UNC13C: variants seen among roughly 807,000 people sequenced by gnomAD.
The protein encoded by UNC13C is protein unc-13 homolog C.
A neutral mutation model predicts 245.4 loss-of-function variants in UNC13C; 174 were observed. The ratio of observed to expected loss-of-function variants is 0.71; its 90% CI spans 0.63 to 0.80. The LOEUF is 0.80. Among genes scored for constraint, UNC13C ranks in the 30% least tolerant of loss-of-function variants. The pLI, the probability that UNC13C is intolerant of heterozygous loss-of-function variation, is 0.00. For synonymous variants in UNC13C, 992 were observed against 895.1 expected, an observed-to-expected ratio of 1.11 and a Z score of -1.93; for missense variants, 2,829 against 2,602.9, an observed-to-expected ratio of 1.09 and a Z score of -1.89.
At chr15:54,075,329 C>CA (rs988527880) in intron 2 of UNC13C, among the ~76,000 whole-genome samples, 16 of 151,822 alleles carry the variant, frequency 1.1e-4, no homozygotes, top group African/African-American at 3.9e-4. Context: ...ACTAAAAATA[C>CA]AAAAAATTAG....
chr15:53,887,556 C>T, the UNC13C span, among the ~76,000 whole-genome samples: 2 of 152,072 alleles, frequency 1.3e-5, no homozygotes, highest in Non-Finnish European at 2.9e-5. Context: ...CCCCTTTCTT[C>T]ATGTTGCATG....
At chr15:54,051,501 A>G (rs1897264410) in intron 2 of UNC13C, among the ~76,000 whole-genome samples, 2 of 152,112 alleles carry the variant, frequency 1.3e-5, no homozygotes, top group Non-Finnish European at 1.5e-5. Context: ...ACTATATCAC[A>G]GTCTTTCAAA....
Position 54,014,299 on chromosome 15 carries a change from G to T in UNC13C, c.1396G>T (p.Ala466Ser). 1 of 1,613,888 alleles carries T rather than the reference G, an allele frequency of 6.2e-7. No homozygotes were observed. The change falls in exon 2 of 33, where the codon GCT becomes TCT. Residue 466 changes from alanine to serine, a missense_variant. Ala to Ser is a moderately conservative substitution (Grantham distance 99). Transcript: ENST00000260323. Reference sequence around the variant, plus strand: ...ATCTGACCTCAATAGAAACAGTTACGCTGTGCTTTCCAAGTCAGAGCTTCT... The same window carrying T: ...ATCTGACCTCAATAGAAACAGTTACTCTGTGCTTTCCAAGTCAGAGCTTCT... The part of the protein sequence containing the change: ...LESDLNRNSY[A>S]VLSKSELLTK...
At chr15:54,264,003 A>T in intron 8 of UNC13C, 165 bp from the exon 9 acceptor site, 1 of 634,542 alleles carries the variant, frequency 1.6e-6, no homozygotes, top group Non-Finnish European at 2.8e-6. Context: ...AGTTGTTGTG[A>T]ATCTCAGCAT....
chr15:54,377,737 C>G (rs574072124), intron 17 of UNC13C, among the ~76,000 whole-genome samples: 1 of 152,252 alleles, frequency 6.6e-6, no homozygotes, highest in South Asian at 2.1e-4. Context: ...AGTGAACCAG[C>G]TCCCTCAGGC....
the UNC13C span, among the ~76,000 whole-genome samples, chr15:53,857,674 A>G: frequency 6.6e-6 from 1 of 152,194 alleles, no homozygotes; most frequent in Non-Finnish European, 1.5e-5. Flanking sequence ...CTGAGCATCT[A>G]TTATTAACCA....
chr15:53,994,166 C>T (rs561820756), intron 1 of UNC13C, among the ~76,000 whole-genome samples: 3 of 133,300 alleles, frequency 2.3e-5, no homozygotes, highest in Non-Finnish European at 4.9e-5. Flanking sequence ...AGACGTTACA[C>T]GTATAATTTG....
In UNC13C at chr15:54,609,695, C is replaced by A. The variant is rs569686541; in HGVS notation, c.6107-12632C>A. Among the ~76,000 whole-genome samples, 3 of 152,332 alleles carry A rather than the reference C, an allele frequency of 2.0e-5. No homozygotes were observed. In the East Asian group the frequency reaches 5.8e-4, roughly 29 times the overall value. ...TTCAATCATACATGTACAAATACTTCTTTCTTCCCCCTAAAATTGAGTAAT... is the reference window on the plus strand; with the variant it reads ...TTCAATCATACATGTACAAATACTTATTTCTTCCCCCTAAAATTGAGTAAT... On this transcript the variant is annotated intron_variant, in intron 30 of 32. Coordinates refer to ENST00000260323, the MANE Select transcript of UNC13C (RefSeq NM_001080534.3).
At chr15:54,085,394 T>A (rs1320228848) in intron 2 of UNC13C, among the ~76,000 whole-genome samples, 1 of 152,136 alleles carries the variant, frequency 6.6e-6, no homozygotes. Context: ...GTAATCCCTA[T>A]ACTCAACCTT....
At chr15:54,586,161 A>G (rs1898478100) in intron 30 of UNC13C, among the ~76,000 whole-genome samples, 2 of 152,182 alleles carry the variant, frequency 1.3e-5, no homozygotes, top group African/African-American at 4.8e-5. Flanking sequence ...AAATTTTTGT[A>G]TATGTTTCAA....
At chr15:54,253,263 A>G (rs533374523) in intron 8 of UNC13C, among the ~76,000 whole-genome samples, 2 of 152,354 alleles carry the variant, frequency 1.3e-5, no homozygotes, top group East Asian at 3.9e-4. Flanking sequence ...GAATTAGACC[A>G]GGTGATGGTG....
downstream of UNC13C, chr15:54,628,873 G>A (rs1343436515): frequency 6.6e-6 from 1 of 152,044 alleles, no homozygotes; most frequent in Non-Finnish European, 1.5e-5. Flanking sequence ...AAGCAGTGTG[G>A]TGATTCCTCA....
intron 19 of UNC13C, among the ~76,000 whole-genome samples, chr15:54,469,076 T>C (rs1892321922): frequency 6.6e-6 from 1 of 151,590 alleles, no homozygotes; most frequent in Non-Finnish European, 1.5e-5. Flanking sequence ...GAGTAAGGGA[T>C]GTCTATTTTC....
At chr15:54,603,937 C>G (rs1483135050) in intron 30 of UNC13C, among the ~76,000 whole-genome samples, 1 of 152,164 alleles carries the variant, frequency 6.6e-6, no homozygotes, top group East Asian at 1.9e-4. Flanking sequence ...TTCCTCCTAC[C>G]TGACTGAGTG....
At chr15:54,001,565 A>G (rs1254372136) in intron 1 of UNC13C, among the ~76,000 whole-genome samples, 1 of 152,192 alleles carries the variant, frequency 6.6e-6, no homozygotes, top group Non-Finnish European at 1.5e-5. Context: ...TGCAGTCAGT[A>G]AACGAGTAGG....
chr15:53,914,084 C>T, the UNC13C span: 1 of 149,144 alleles, frequency 6.7e-6, no homozygotes, highest in Middle Eastern at 3.5e-3. Flanking sequence ...GCCTATGTGC[C>T]CAGAAGCCTA....
At chr15:54,494,312 CAG>C (rs538944964) in intron 19 of UNC13C, among the ~76,000 whole-genome samples, 3 of 152,090 alleles carry the variant, frequency 2.0e-5, no homozygotes, top group South Asian at 2.1e-4. Flanking sequence ...TGCAGATAAA[CAG>C]AAATTTTAGT....
At chr15:54,153,800 TA>T (rs1254991901) in intron 4 of UNC13C, among the ~76,000 whole-genome samples, 1 of 151,998 alleles carries the variant, frequency 6.6e-6, no homozygotes, top group African/African-American at 2.4e-5. Context: ...CTAGATAAAC[TA>T]GTAATAGGTT....
intron 1 of UNC13C, among the ~76,000 whole-genome samples, chr15:54,001,573 A>G (rs1205663743): frequency 6.6e-6 from 1 of 152,196 alleles, no homozygotes. Context: ...GTAAACGAGT[A>G]GGGGTAGAGG....
Sources: allele counts gnomAD v4.1 joint callset (sites outside exome capture counted in the v4.1 genomes callset), GRCh38; gene constraint gnomAD v4.1.1; transcripts MANE v1.5; gene names NCBI Gene and HGNC (gene_info 2026-07-23, HGNC 2026-07-21).